Variants in TPRG1 observed in about 807,000 individuals in gnomAD.
The protein encoded by TPRG1 is tumor protein p63-regulated gene 1 protein.
Under a neutral mutation model 29.3 loss-of-function variants are expected in TPRG1, and 29 were observed. The observed-to-expected ratio is 0.99, with a 90% CI of 0.74 to 1.35. The LOEUF (loss-of-function observed/expected upper bound fraction) is 1.35, where lower values mean the gene tolerates loss of function less well. Ranked by LOEUF, TPRG1 falls within the 40% of genes most tolerant of loss-of-function variation. The probability of loss-of-function intolerance (pLI) is 0.00; values close to 1 mark genes in which losing one functional copy is unlikely to be tolerated. For synonymous variants in TPRG1, 130 were observed against 116.8 expected (o/e 1.11, Z -0.73); for missense variants, 327 against 335.0 (o/e 0.98, Z 0.19).
intron 1 of TPRG1, among the ~76,000 whole-genome samples, chr3:188,997,550 G>T (rs1711875721): frequency 6.6e-6 from 1 of 152,270 alleles, no homozygotes; most frequent in African/African-American, 2.4e-5. Flanking sequence ...GGCTGAGAGG[G>T]TTACTGGAAC....
intron 4 of TPRG1, among the ~76,000 whole-genome samples, chr3:189,051,614 C>T (rs1715325944): frequency 6.6e-6 from 1 of 151,912 alleles, no homozygotes; most frequent in Non-Finnish European, 1.5e-5. Flanking sequence ...TATATGGAAC[C>T]AAAAAAGAGC....
intron 4 of TPRG1, among the ~76,000 whole-genome samples, chr3:189,309,233 G>T (rs191694672): frequency 1.3e-5 from 2 of 152,174 alleles, no homozygotes; most frequent in Admixed American, 1.3e-4. Flanking sequence ...GTATTAACCA[G>T]TTGGGGAGCG....
intron 4 of TPRG1, among the ~76,000 whole-genome samples, chr3:189,087,193 G>A (rs1204609596): frequency 3.3e-5 from 5 of 152,122 alleles, no homozygotes; most frequent in East Asian, 1.9e-4. Context: ...TTTAATGATC[G>A]CCATTCTAAC....
chr3:189,268,549 T>C (rs973359230), intron 4 of TPRG1, among the ~76,000 whole-genome samples: 1 of 152,198 alleles, frequency 6.6e-6, no homozygotes, highest in African/African-American at 2.4e-5. Context: ...CCATCCCTGC[T>C]GGGGAATGCC....
At chr3:189,250,571 A>G (rs1742075968) in intron 4 of TPRG1, among the ~76,000 whole-genome samples, 1 of 124,730 alleles carries the variant, frequency 8.0e-6, no homozygotes, top group Admixed American at 1.1e-4. Context: ...TTTGATTGTT[A>G]TCTTTACTTC....
At chr3:189,274,865 T>A (rs1259956345) in intron 4 of TPRG1, among the ~76,000 whole-genome samples, 1 of 152,094 alleles carries the variant, frequency 6.6e-6, no homozygotes, top group East Asian at 1.9e-4. Context: ...GTGCTTTTTT[T>A]TTCTTATAAA....
chr3:189,053,081 G>GA (rs1274503441), intron 4 of TPRG1, among the ~76,000 whole-genome samples: 3 of 151,918 alleles, frequency 2.0e-5, no homozygotes, highest in African/African-American at 4.8e-5. Flanking sequence ...ATAACTTACA[G>GA]AAAAAAAAGA....
intron 4 of TPRG1, among the ~76,000 whole-genome samples, chr3:189,061,426 C>T (rs1478816153): frequency 1.3e-5 from 2 of 151,970 alleles, no homozygotes; most frequent in African/African-American, 4.8e-5. Flanking sequence ...TCAACAAAAG[C>T]AAAAATTGAC....
At chr3:189,156,411 C>T (rs566089370) in intron 5 of TPRG1, among the ~76,000 whole-genome samples, 90 of 151,008 alleles carry the variant, frequency 6.0e-4, no homozygotes, top group Non-Finnish European at 1.1e-3. Context: ...TGATTTGTTA[C>T]AGCAGCGAAA....
chr3:189,183,153 CA>C (rs1309517740), intron 1 of TPRG1, among the ~76,000 whole-genome samples: 1 of 152,068 alleles, frequency 6.6e-6, no homozygotes, highest in Non-Finnish European at 1.5e-5. Context: ...GGACAGAGTA[CA>C]AAAGAGAGAA....
intron 4 of TPRG1, among the ~76,000 whole-genome samples, chr3:189,277,085 G>T (rs1716283472): frequency 6.6e-6 from 1 of 152,222 alleles, no homozygotes; most frequent in Middle Eastern, 3.4e-3. Flanking sequence ...GAACTGTGGT[G>T]GTTTGGCAAC....
intron 4 of TPRG1, among the ~76,000 whole-genome samples, chr3:189,301,005 A>G (rs1397688556): frequency 1.3e-5 from 2 of 152,086 alleles, no homozygotes; most frequent in Non-Finnish European, 2.9e-5. Flanking sequence ...ATGGATGATA[A>G]AATGTTTGTG....
rs577519611 is a variant in TPRG1, at chr3:189,294,802, T to TCACACACACACACA, written c.480-15584_480-15583insCACACACACACACA. On this transcript the variant is annotated intron_variant, in intron 4 of 5. Coordinates refer to ENST00000345063, the MANE Select transcript of TPRG1 (RefSeq NM_198485.4). ...ACCTTTAATTACACAACCCTTACAG[T>TCACACACACACACA]TACACACACACACACACACACACAC... Among the ~76,000 whole-genome samples the TCACACACACACACA allele has an allele frequency of 1.8e-4, 24 of 131,518 alleles. No homozygotes were observed. The South Asian group carries it at 1.9e-3, about 10-fold the overall frequency. The allele number at this position is 131,518 out of a possible 152,430, so 86.3% of individuals were successfully genotyped here.
chr3:189,137,127 CTG>C (rs1397226420), intron 3 of TPRG1, among the ~76,000 whole-genome samples: 2 of 152,182 alleles, frequency 1.3e-5, no homozygotes, highest in Admixed American at 6.5e-5. Flanking sequence ...GAATCCAAGA[CTG>C]TGATTTTGCC....
chr3:189,322,074 A>G lies in TPRG1; in HGVS notation c.*1254A>G, dbSNP rs1266958035. The G allele has an allele frequency of 1.3e-5, 2 of 151,784 alleles. No homozygotes were observed. Among genetic ancestry groups the G allele is most frequent in the African/African-American group, 4.8e-5 (2 of 41,304 alleles). 9.4% of individuals were successfully genotyped at this position (151,784 alleles called of 1,614,324 possible). A position where few individuals can be genotyped will look rare whatever the true frequency, so the allele number is the denominator to read the frequency against. Reference sequence around the variant, plus strand: ...CTTTTTTCTTTCAGAGTCTTATTTTATCTAAATTTATGTAGAAAAAAAAGC... The same window carrying G: ...CTTTTTTCTTTCAGAGTCTTATTTTGTCTAAATTTATGTAGAAAAAAAAGC... On this transcript the variant is annotated 3_prime_UTR_variant, in exon 6 of 6. Transcript: ENST00000345063.
At chr3:189,265,850 G>T (rs1216071229) in intron 4 of TPRG1, among the ~76,000 whole-genome samples, 1 of 152,150 alleles carries the variant, frequency 6.6e-6, no homozygotes, top group Non-Finnish European at 1.5e-5. Flanking sequence ...TTGTGGAGCT[G>T]CCTTCCACTC....
rs1401797717 is a variant in TPRG1 at position 189,324,281 on chromosome 3, AAAC to A, written c.*3462_*3464del. On this transcript the variant is annotated 3_prime_UTR_variant, in exon 6 of 6. Transcript: ENST00000345063. The stretch of plus-strand genomic sequence containing the variant: ...CACAGAAAATGAAGCAAAGGCCTAG[AAAC>A]TAGAAAGACATTTCTCAAAAAGAAG... 6.6e-6 allele frequency: 1 copy of A among 152,166 alleles called. No homozygotes were observed. The highest frequency in any genetic ancestry group is 6.6e-5 in the Admixed American group (1 of 15,260). 9.4% of individuals were successfully genotyped at this position (152,166 alleles called of 1,614,324 possible).
At chr3:189,231,946 TGTGTG>T (rs1738727268) in intron 3 of TPRG1, among the ~76,000 whole-genome samples, 1 of 78,398 alleles carries the variant, frequency 1.3e-5, no homozygotes, top group African/African-American at 5.3e-5. Context: ...ACCTGGTTTG[TGTGTG>T]TGTGTGTGTG....
intron 1 of TPRG1, among the ~76,000 whole-genome samples, chr3:189,181,403 C>G (rs1167551063): frequency 6.6e-6 from 1 of 152,194 alleles, no homozygotes; most frequent in Non-Finnish European, 1.5e-5. Flanking sequence ...ATGCATTTAA[C>G]AGCACCCAAG....
Sources: gnomAD v4.1 joint callset for allele counts (sites outside exome capture counted in the v4.1 genomes callset) on GRCh38, gnomAD v4.1.1 for gene constraint, MANE v1.5 for transcripts, NCBI Gene and HGNC (gene_info 2026-07-23, HGNC 2026-07-21) for gene names.